TBC1D8B: variants seen among roughly 807,000 people sequenced by gnomAD.
TBC1D8B encodes RP11-321G1.1.
TBC1D8B carries 75 observed loss-of-function variants against 82.9 expected under a neutral mutation model. The observed-to-expected ratio is 0.90, with a 90% CI of 0.75 to 1.10. TBC1D8B has a LOEUF of 1.10. Among genes scored for constraint, TBC1D8B ranks in the 50% least tolerant of loss-of-function variants. The pLI is 0.00. For synonymous variants in TBC1D8B, 276 were observed against 276.8 expected (o/e 1.00, Z 0.03); for missense variants, 794 against 796.9 (o/e 1.00, Z 0.04).
In TBC1D8B at chrX:106,809,840, C is replaced by G. The variant is rs755977789; in HGVS notation, c.130+6857C>G. Among the ~76,000 whole-genome samples, 34 of 102,959 alleles carry G rather than the reference C, an allele frequency of 3.3e-4. 1 individual carries two copies. The highest frequency in any genetic ancestry group is 4.7e-4 in the Non-Finnish European group (24 of 50,786). 89.4% of individuals were successfully genotyped at this position (102,959 alleles called of 115,157 possible). ...CGGAGGTTGCAGTGAGCCGAGATCA[C>G]GCCACCGCACTCCAGCCTGGGTAAC... On this transcript the variant is annotated intron_variant, in intron 1 of 20. Coordinates refer to ENST00000357242, the MANE Select transcript of TBC1D8B (RefSeq NM_017752.3).
At chrX:106,822,485 T>C (rs953422079) in intron 4 of TBC1D8B, among the ~76,000 whole-genome samples, 2 of 111,121 alleles carry the variant, frequency 1.8e-5, no homozygotes, top group African/African-American at 6.5e-5. Flanking sequence ...ATGAACTACC[T>C]ACATGCTTTA....
intron 12 of TBC1D8B, among the ~76,000 whole-genome samples, chrX:106,852,090 T>G (rs770815455): frequency 1.8e-5 from 2 of 108,885 alleles, no homozygotes; most frequent in East Asian, 5.8e-4. Flanking sequence ...TTTCCTGACT[T>G]TTTAATGATC....
chrX:106,832,229 A>G (rs1932066568), intron 7 of TBC1D8B, among the ~76,000 whole-genome samples: 1 of 111,633 alleles, frequency 9.0e-6, no homozygotes, highest in Non-Finnish European at 1.9e-5. Context: ...GACATTATAC[A>G]AAGAACAAGT....
intron 1 of TBC1D8B, chrX:106,814,825 T>C (rs1931490533): frequency 8.9e-6 from 1 of 112,400 alleles, no homozygotes; most frequent in Admixed American, 9.4e-5. Context: ...CATGTGTTTT[T>C]TGGCTGCATA....
At chrX:106,852,177 AT>A (rs1167444848) in intron 12 of TBC1D8B, among the ~76,000 whole-genome samples, 32 of 102,850 alleles carry the variant, frequency 3.1e-4, no homozygotes, top group African/African-American at 1.0e-3. Flanking sequence ...GATGATGAGC[AT>A]TTTTTCATGT....
intron 10 of TBC1D8B, among the ~76,000 whole-genome samples, chrX:106,846,124 A>T (rs1932442716): frequency 1.3e-5 from 1 of 78,061 alleles, no homozygotes; most frequent in African/African-American, 5.3e-5. Flanking sequence ...TTTTAATGAT[A>T]GAGTCTCACT....
At chrX:106,829,101 G>A (rs1315243150) in intron 7 of TBC1D8B, 3 of 105,861 alleles carry the variant, frequency 2.8e-5, no homozygotes, top group Non-Finnish European at 5.7e-5. Context: ...AAAGTCTCAG[G>A]ATACAAAATC....
At chrX:106,824,563 A>G (rs1907875160) in intron 5 of TBC1D8B, among the ~76,000 whole-genome samples, 1 of 111,487 alleles carries the variant, frequency 9.0e-6, no homozygotes, top group East Asian at 2.8e-4. Context: ...TGTTTGTATT[A>G]TATTATAGGT....
intron 7 of TBC1D8B, chrX:106,827,567 T>A (rs1931887462): frequency 3.0e-6 from 1 of 333,283 alleles, no homozygotes; most frequent in African/African-American, 2.7e-5. Context: ...TATAATTTGA[T>A]CTTTCTTTTA....
chrX:106,874,499 A>T lies in TBC1D8B; in HGVS notation c.*534A>T, dbSNP rs1932873750. The T allele has an allele frequency of 9.0e-6, 1 of 111,481 alleles. No individual in the cohort carries two copies. Among genetic ancestry groups the T allele is most frequent in the Non-Finnish European group, 1.9e-5 (1 of 53,113 alleles). The allele number at this position is 111,481 out of a possible 1,213,427, so 9.2% of individuals were successfully genotyped here. A position where few individuals can be genotyped will look rare whatever the true frequency, so the allele number is the denominator to read the frequency against. ...AAGTTATCTAACTGAAATATTATTA[A>T]TTTTTTTAAGTTAATCTCATTCAGT... On this transcript the variant is annotated 3_prime_UTR_variant, in exon 21 of 21. Coordinates refer to ENST00000357242, the MANE Select transcript of TBC1D8B (RefSeq NM_017752.3).
At chrX:106,807,741 A>G in intron 1 of TBC1D8B, among the ~76,000 whole-genome samples, 1 of 110,969 alleles carries the variant, frequency 9.0e-6, no homozygotes. Flanking sequence ...GCCCTATGGG[A>G]TTTTAAAAAA....
chrX:106,807,553 AG>A (rs1420261377), intron 1 of TBC1D8B, among the ~76,000 whole-genome samples: 6 of 109,040 alleles, frequency 5.5e-5, no homozygotes, highest in African/African-American at 2.0e-4. Flanking sequence ...TTCTAATGAA[AG>A]AAAAAACAAG....
At chrX:106,807,238 AC>A (rs1931215620) in intron 1 of TBC1D8B, among the ~76,000 whole-genome samples, 1 of 105,779 alleles carries the variant, frequency 9.5e-6, no homozygotes, top group East Asian at 3.1e-4. Flanking sequence ...ACACACACAC[AC>A]AAAATTAATA....
At chrX:106,865,482 T>C (rs1234339629) in intron 14 of TBC1D8B, 77 bp from the exon 15 acceptor site, 1 of 773,174 alleles carries the variant, frequency 1.3e-6, no homozygotes, top group Admixed American at 2.8e-5. Context: ...AGAGAGAGAC[T>C]CTAAGGTAAT....
chrX:106,854,408 CTAGA>C (rs776633717), intron 14 of TBC1D8B, 112 bp downstream of exon 14: 24 of 424,623 alleles, frequency 5.7e-5, no homozygotes, highest in Admixed American at 5.4e-5. Context: ...AACTTTTGAG[CTAGA>C]TCCTTGCCAA....
intron 1 of TBC1D8B, among the ~76,000 whole-genome samples, chrX:106,806,817 A>G (rs1236694530): frequency 1.8e-5 from 2 of 111,681 alleles, no homozygotes; most frequent in Non-Finnish European, 3.8e-5. Flanking sequence ...TTACTTTGAA[A>G]TTAAATTGTC....
Position 106,827,305 on chromosome X carries a change from G to A in TBC1D8B, c.1171G>A (p.Ala391Thr). The change falls in exon 7 of 21, where the codon GCT becomes ACT. Residue 391 changes from alanine (A) to threonine (T), a missense_variant. Physicochemically the swap from Ala to Thr is moderately conservative, Grantham distance 58. Transcript: ENST00000357242. ...VAKLRLRCGA[A>T]STQYHDISTE... ...AAAACTCAGGCTCAGATGCGGAGCAGCTTCAACTCAATATCATGATATTAG... is the reference window on the plus strand; with the variant it reads ...AAAACTCAGGCTCAGATGCGGAGCAACTTCAACTCAATATCATGATATTAG... 3.3e-6 allele frequency: 4 copies of A among 1,210,841 alleles called. No homozygotes were observed. The highest frequency in any genetic ancestry group is 4.5e-6 in the Non-Finnish European group (4 of 895,000).
intron 14 of TBC1D8B, among the ~76,000 whole-genome samples, chrX:106,858,392 C>A (rs1350629792): frequency 6.3e-5 from 7 of 111,988 alleles, no homozygotes; most frequent in African/African-American, 2.3e-4. Flanking sequence ...CCTGCCTCAG[C>A]CTCCTGAATA....
chrX:106,806,030 A>C (rs1931177866), intron 1 of TBC1D8B, among the ~76,000 whole-genome samples: 1 of 112,734 alleles, frequency 8.9e-6, no homozygotes. Flanking sequence ...AATTGGTGGT[A>C]ATCACCAGCA....
Sources: allele counts gnomAD v4.1 joint callset (sites outside exome capture counted in the v4.1 genomes callset), GRCh38; gene constraint gnomAD v4.1.1; transcripts MANE v1.5; gene names NCBI Gene and HGNC (gene_info 2026-07-23, HGNC 2026-07-21).